CBFB: variants seen among roughly 807,000 people sequenced by gnomAD.
The protein encoded by CBFB is core-binding factor subunit beta, also known as CBF-beta.
Under a neutral mutation model 30.4 loss-of-function variants are expected in CBFB, and 9 were observed. The ratio of observed to expected loss-of-function variants is 0.30; its 90% CI spans 0.18 to 0.52. The LOEUF (loss-of-function observed/expected upper bound fraction) is 0.52, where lower values mean the gene tolerates loss of function less well. Among genes scored for constraint, CBFB ranks in the 20% least tolerant of loss-of-function variants. The pLI is 0.97. For missense variants in CBFB, 170 were observed against 244.0 expected, an observed-to-expected ratio of 0.70 and a Z score of 2.02; for synonymous variants, 94 against 84.0, an observed-to-expected ratio of 1.12 and a Z score of -0.65.
intron 4 of CBFB, among the ~76,000 whole-genome samples, chr16:67,070,740 A>G (rs562070920): frequency 6.6e-6 from 1 of 151,928 alleles, no homozygotes; most frequent in African/African-American, 2.4e-5. Context: ...AGACCCAGCT[A>G]CTCAGGAAGC....
intron 3 of CBFB, among the ~76,000 whole-genome samples, chr16:67,066,305 T>G (rs1276467033): frequency 1.3e-5 from 2 of 150,348 alleles, no homozygotes; most frequent in African/African-American, 4.9e-5. Context: ...CCTAGCACTT[T>G]TGGAGGCAAA....
At position 67,029,334 on chromosome 16, in the gene CBFB, C is replaced by T; in HGVS notation, c.-74C>T. 1 of 1,084,654 alleles carries T rather than the reference C, an allele frequency of 9.2e-7. No homozygotes were observed. The highest frequency in any genetic ancestry group is 1.7e-5 in the African/African-American group (1 of 59,884). The allele number at this position is 1,084,654 out of a possible 1,614,324, so 67.2% of individuals were successfully genotyped here. ...CGCCGCGGGTGGGCGGTCAGTCGGT[C>T]AGCGCGGAGCCAGCCAGCGGGTGCC... is the stretch of plus-strand genomic sequence containing the variant. On this transcript the variant is annotated 5_prime_UTR_variant, in exon 1 of 6. Transcript: ENST00000412916.
At chr16:67,080,630 T>G (rs1169273715) in intron 4 of CBFB, among the ~76,000 whole-genome samples, 1 of 152,238 alleles carries the variant, frequency 6.6e-6, no homozygotes, top group African/African-American at 2.4e-5. Context: ...ACAGATTTGT[T>G]ATATGTTAAT....
At chr16:67,080,055 G>T (rs992284209) in intron 4 of CBFB, among the ~76,000 whole-genome samples, 4 of 152,158 alleles carry the variant, frequency 2.6e-5, no homozygotes, top group African/African-American at 9.7e-5. Context: ...TCACACTGCT[G>T]TACTCCAGCC....
In CBFB at chr16:67,073,013, C is replaced by G. The variant is rs115607986; in HGVS notation, c.399+6215C>G. On this transcript the variant is annotated intron_variant, in intron 4 of 5. Transcript: ENST00000412916. ...TAGGCATGAGCCACTGCATCTAGCC[C>G]CTTACTTTTATTTTCTTCATAAAAG... Among the ~76,000 whole-genome samples, 1,217 of 152,172 alleles carry G rather than the reference C, an allele frequency of 8.0e-3. 20 individuals are homozygous for G. The highest frequency in any genetic ancestry group is 0.028 in the African/African-American group (1,145 of 41,520).
At chr16:67,043,932 C>A (rs1314868146) in intron 3 of CBFB, among the ~76,000 whole-genome samples, 1 of 152,182 alleles carries the variant, frequency 6.6e-6, no homozygotes, top group Non-Finnish European at 1.5e-5. Flanking sequence ...GTTACAAACA[C>A]TGGCAGCCAA....
chr16:67,047,587 A>G (rs188768964), intron 3 of CBFB, among the ~76,000 whole-genome samples: 17 of 152,350 alleles, frequency 1.1e-4, no homozygotes, highest in Admixed American at 1.0e-3. Flanking sequence ...ATAGATGTTC[A>G]AAGTTTGTTC....
At chr16:67,094,598 T>A (rs1961986724) in intron 5 of CBFB, among the ~76,000 whole-genome samples, 1 of 152,154 alleles carries the variant, frequency 6.6e-6, no homozygotes, top group Non-Finnish European at 1.5e-5. Context: ...ATTGGTAGGT[T>A]AGTAGTGATT....
chr16:67,076,990 T>C (rs1170576084), intron 4 of CBFB, among the ~76,000 whole-genome samples: 1 of 152,210 alleles, frequency 6.6e-6, no homozygotes, highest in East Asian at 1.9e-4. Context: ...TTGTAAGTTA[T>C]ATAAACTATA....
intron 3 of CBFB, among the ~76,000 whole-genome samples, chr16:67,064,874 T>G (rs1961009458): frequency 6.6e-6 from 1 of 152,172 alleles, no homozygotes; most frequent in Non-Finnish European, 1.5e-5. Context: ...AATAAAAGTG[T>G]AAAACAGAAG....
At chr16:67,069,863 C>T (rs1961169201) in intron 4 of CBFB, among the ~76,000 whole-genome samples, 1 of 152,144 alleles carries the variant, frequency 6.6e-6, no homozygotes, top group Non-Finnish European at 1.5e-5. Flanking sequence ...GTGGCTCACA[C>T]CTGTAATCCC....
rs1404149843 is a variant in CBFB at position 67,099,271 on chromosome 16, C to G, written c.*493C>G. The G allele has an allele frequency of 4.3e-6, 1 of 230,168 alleles. No individual in the cohort carries two copies. Among genetic ancestry groups the G allele is most frequent in the Non-Finnish European group, 8.6e-6 (1 of 116,896 alleles). The allele number at this position is 230,168 out of a possible 1,614,324, so 14.3% of individuals were successfully genotyped here. On this transcript the variant is annotated 3_prime_UTR_variant, in exon 6 of 6. Coordinates refer to ENST00000412916, the MANE Select transcript of CBFB (RefSeq NM_022845.3). The stretch of plus-strand genomic sequence containing the variant: ...CCATTTCCTTTTGTGTTTTTATAGT[C>G]TATAGCATTTTAAAACTGCTGATGT...
chr16:67,029,638 C>T (rs1467019351), intron 1 of CBFB, 89 bp from the exon 2 acceptor site: 2 of 1,375,772 alleles, frequency 1.5e-6, no homozygotes, highest in African/African-American at 1.5e-5. Flanking sequence ...GCAGCCTCTG[C>T]TTGCCCTTAT....
intron 4 of CBFB, among the ~76,000 whole-genome samples, chr16:67,068,889 G>T (rs144868020): frequency 9.6e-4 from 146 of 152,186 alleles, no homozygotes; most frequent in African/African-American, 3.4e-3. Context: ...TCAATAAAGG[G>T]ATCTAAATTA....
intron 3 of CBFB, among the ~76,000 whole-genome samples, chr16:67,064,500 CA>C (rs573236520): frequency 5.5e-4 from 83 of 152,108 alleles, no homozygotes; most frequent in Admixed American, 1.2e-3. Flanking sequence ...CCACCGTGCC[CA>C]GCCCTAAAAT....
intron 4 of CBFB, among the ~76,000 whole-genome samples, chr16:67,070,616 G>C (rs761186300): frequency 6.6e-6 from 1 of 152,030 alleles, no homozygotes; most frequent in Non-Finnish European, 1.5e-5. Context: ...TGGAAAGGCA[G>C]AGATGGGAGT....
At chr16:67,050,517 G>A (rs1237249556) in intron 3 of CBFB, among the ~76,000 whole-genome samples, 1 of 151,924 alleles carries the variant, frequency 6.6e-6, no homozygotes, top group African/African-American at 2.4e-5. Flanking sequence ...GAACGTGGCC[G>A]GGCAAGGCTG....
At chr16:67,044,271 C>G (rs1485317875) in intron 3 of CBFB, among the ~76,000 whole-genome samples, 1 of 152,038 alleles carries the variant, frequency 6.6e-6, no homozygotes, top group Non-Finnish European at 1.5e-5. Flanking sequence ...GTATGAAAAT[C>G]ATTTCATAAA....
At chr16:67,032,257 C>T (rs1325552454) in intron 2 of CBFB, among the ~76,000 whole-genome samples, 1 of 152,096 alleles carries the variant, frequency 6.6e-6, no homozygotes, top group Non-Finnish European at 1.5e-5. Context: ...CCCGGGAGGT[C>T]GAGGCTGCAG....
Sources: gnomAD v4.1 joint callset for allele counts (sites outside exome capture counted in the v4.1 genomes callset) on GRCh38, gnomAD v4.1.1 for gene constraint, MANE v1.5 for transcripts, NCBI Gene and HGNC (gene_info 2026-07-23, HGNC 2026-07-21) for gene names.